The following AMBRA1 variants were observed in gnomAD, a reference collection of about 807,000 sequenced individuals.
AMBRA1 encodes autophagy and beclin 1 regulator 1.
A neutral mutation model predicts 125.4 loss-of-function variants in AMBRA1; 47 were observed. The observed-to-expected ratio is 0.37, with a 90% CI of 0.30 to 0.48. The LOEUF (loss-of-function observed/expected upper bound fraction) is 0.48. AMBRA1 is among the 20% of genes least tolerant of loss of function. The pLI is 0.99. For synonymous variants in AMBRA1, 626 were observed against 655.5 expected (o/e 0.95, Z 0.69); for missense variants, 1,331 against 1,693.4 (o/e 0.79, Z 3.76).
chr11:46,544,289 C>A (rs1353722131), intron 5 of AMBRA1, among the ~76,000 whole-genome samples: 2 of 152,190 alleles, frequency 1.3e-5, no homozygotes, highest in Non-Finnish European at 2.9e-5. Context: ...GAGTTGCCAT[C>A]CCAGGAAACA....
intron 1 of AMBRA1, among the ~76,000 whole-genome samples, chr11:46,549,652 G>A (rs1281448722): frequency 6.6e-6 from 1 of 151,778 alleles, no homozygotes; most frequent in Non-Finnish European, 1.5e-5. Context: ...TTTCCCCATT[G>A]TCCAAAAAAT....
rs555874043 is a variant in AMBRA1, at chr11:46,399,631, T to C, written c.3404-1688A>G. 3.3e-4 allele frequency among the ~76,000 whole-genome samples: 50 copies of C among 149,944 alleles called. 1 individual carries two copies. In the South Asian group the frequency reaches 0.01, roughly 31 times the overall value. On this transcript the variant is annotated intron_variant, in intron 17 of 17. Transcript: ENST00000683756. ...CCGCCCACCTAGGCCTCCCAAAGTG[T>C]TGGGATTACAGGCGTGAGCCACCGT...
chr11:46,434,930 C>T lies in AMBRA1; in HGVS notation c.2740G>A (p.Gly914Ser), dbSNP rs1461930281. ...GCCAGGATGCCTTCATCAGGAAAGCCCCTCTGGCTGCTGGGGATGAAAGCT... is the reference window on the plus strand; with the variant it reads ...GCCAGGATGCCTTCATCAGGAAAGCTCCTCTGGCTGCTGGGGATGAAAGCT... Reference protein sequence around the residue: ...LAAFIPSSQRGFPDEGILAVY... With the variant: ...LAAFIPSSQRSFPDEGILAVY... The change falls in exon 13 of 18, where the codon GGC becomes AGC. Residue 914 changes from glycine (G) to serine (S), a missense_variant. Around this residue, in one of 4 missense-constraint regions of AMBRA1, gnomAD observed 354 missense variants for 532.7 expected, o/e 0.66. Transcript: ENST00000683756. 1 of 1,613,984 alleles carries T rather than the reference C, an allele frequency of 6.2e-7. No homozygotes were observed. The highest frequency in any genetic ancestry group is 1.3e-5 in the African/African-American group (1 of 74,944).
In AMBRA1 at chr11:46,473,674, C is replaced by T. The variant is rs61241780; in HGVS notation, c.2521+19934G>A. Among the ~76,000 whole-genome samples the T allele has an allele frequency of 7.9e-3, 1,201 of 152,278 alleles. 18 individuals are homozygous for T. The highest frequency in any genetic ancestry group is 0.028 in the African/African-American group (1,153 of 41,552). On this transcript the variant is annotated intron_variant, in intron 11 of 17. Transcript: ENST00000683756. ...TTTTTTTGTTTGTTTGTTTTTGAGA[C>T]GGAGTCTCGCACTGTCGCCCAGGCT...
intron 1 of AMBRA1, among the ~76,000 whole-genome samples, chr11:46,559,310 GAAAGA>G (rs928768287): frequency 2.0e-5 from 3 of 149,110 alleles, no homozygotes; most frequent in African/African-American, 4.9e-5. Context: ...AAAAAAAAAA[GAAAGA>G]AAAGAAAAGT....
intron 11 of AMBRA1, among the ~76,000 whole-genome samples, chr11:46,472,871 T>G (rs1949658250): frequency 6.6e-6 from 1 of 152,182 alleles, no homozygotes; most frequent in African/African-American, 2.4e-5. Context: ...CCACACATGC[T>G]CCAGGAAACA....
At chr11:46,593,577 G>A (rs2044684255) in intron 1 of AMBRA1, among the ~76,000 whole-genome samples, 1 of 152,140 alleles carries the variant, frequency 6.6e-6, no homozygotes, top group Non-Finnish European at 1.5e-5. Context: ...CCACACACTG[G>A]GGGTGCCCTA....
chr11:46,592,897 C>G (rs192900739), intron 1 of AMBRA1, among the ~76,000 whole-genome samples: 3 of 152,262 alleles, frequency 2.0e-5, no homozygotes, highest in Non-Finnish European at 2.9e-5. Flanking sequence ...CCACAAACAC[C>G]ATAGTTATAA....
At chr11:46,501,192 G>A (rs1172415541) in intron 9 of AMBRA1, among the ~76,000 whole-genome samples, 1 of 152,214 alleles carries the variant, frequency 6.6e-6, no homozygotes, top group Non-Finnish European at 1.5e-5. Context: ...ATGTTGATGA[G>A]GGAAAAAAAT....
At chr11:46,467,117 G>A (rs894845720) in intron 11 of AMBRA1, among the ~76,000 whole-genome samples, 7 of 151,872 alleles carry the variant, frequency 4.6e-5, no homozygotes, top group Admixed American at 3.9e-4. Context: ...GGGTTTCACC[G>A]TGTTGGCAAG....
chr11:46,448,356 C>T (rs1286496807), intron 11 of AMBRA1, among the ~76,000 whole-genome samples: 1 of 152,158 alleles, frequency 6.6e-6, no homozygotes, highest in Non-Finnish European at 1.5e-5. Context: ...TTCTGAACAA[C>T]ACATGGCTCA....
chr11:46,557,872 C>T lies in AMBRA1; in HGVS notation c.-120-9372G>A, dbSNP rs117359589. On this transcript the variant is annotated intron_variant, in intron 1 of 17. Coordinates refer to ENST00000683756, the MANE Select transcript of AMBRA1 (RefSeq NM_001387011.1). ...CTGTACTAACAGCTACTGGAGAGGC[C>T]GAGGCAAGAGAATCACTTGAACCCA... Among the ~76,000 whole-genome samples the T allele has an allele frequency of 1.9e-4, 29 of 151,858 alleles. 1 individual carries two copies. The East Asian group carries it at 4.8e-3, about 25-fold the overall frequency.
chr11:46,569,715 C>A (rs1303813577), intron 1 of AMBRA1, among the ~76,000 whole-genome samples: 1 of 151,738 alleles, frequency 6.6e-6, no homozygotes, highest in Non-Finnish European at 1.5e-5. Context: ...GTCAGCAGTT[C>A]GAGACCAGCC....
intron 7 of AMBRA1, among the ~76,000 whole-genome samples, chr11:46,532,699 T>A (rs987412316): frequency 6.6e-6 from 1 of 152,216 alleles, no homozygotes; most frequent in Admixed American, 6.5e-5. Flanking sequence ...CCTTCCAAAG[T>A]GCTGGGATTA....
intron 16 of AMBRA1, 36 bp downstream of exon 16, chr11:46,410,240 C>T (rs538274090): frequency 6.9e-6 from 11 of 1,604,398 alleles, no homozygotes; most frequent in African/African-American, 1.3e-5. Context: ...GGATGGGCCT[C>T]CAGCCAGCTG....
chr11:46,570,981 T>C (rs1050518136), intron 1 of AMBRA1, among the ~76,000 whole-genome samples: 2 of 152,140 alleles, frequency 1.3e-5, no homozygotes, highest in Admixed American at 6.6e-5. Flanking sequence ...AACTGCAATA[T>C]ACTGTAACCA....
chr11:46,462,494 C>A (rs1367965255), intron 11 of AMBRA1, among the ~76,000 whole-genome samples: 1 of 152,158 alleles, frequency 6.6e-6, no homozygotes, highest in African/African-American at 2.4e-5. Context: ...TCCTCACTGA[C>A]TACACTGAGG....
chr11:46,539,005 G>C (rs1246484555), intron 7 of AMBRA1, among the ~76,000 whole-genome samples: 2 of 152,042 alleles, frequency 1.3e-5, no homozygotes, highest in Non-Finnish European at 2.9e-5. Flanking sequence ...AGCACAGATA[G>C]AGAACATTTC....
intron 9 of AMBRA1, 108 bp from the exon 10 acceptor site, chr11:46,494,312 C>G: frequency 1.1e-6 from 1 of 880,770 alleles, no homozygotes; most frequent in Non-Finnish European, 1.8e-6. Flanking sequence ...TAGGAGAGGA[C>G]CCCACATAAA....
Sources: allele counts gnomAD v4.1 joint callset (sites outside exome capture counted in the v4.1 genomes callset), GRCh38; gene constraint gnomAD v4.1.1; regional missense constraint gnomAD v4.1.1; transcripts MANE v1.5; gene names NCBI Gene and HGNC (gene_info 2026-07-23, HGNC 2026-07-21).